The following KIAA1217 variants were observed in gnomAD, a reference collection of about 807,000 sequenced individuals.
The protein encoded by KIAA1217 is KIAA1217, also known as sickle tail protein homolog.
Under a neutral mutation model 163.9 loss-of-function variants are expected in KIAA1217, and 88 were observed. That is an observed-to-expected ratio of 0.54 (90% CI 0.45 to 0.64). The LOEUF is 0.64. Ranked by LOEUF, KIAA1217 falls within the 30% of genes least tolerant of loss-of-function variation. The pLI is 0.00. For synonymous variants in KIAA1217, 903 were observed against 923.1 expected (o/e 0.98, Z 0.39); for missense variants, 2,372 against 2,475.0 (o/e 0.96, Z 0.88).
At chr10:24,390,535 TATG>T (rs1411686630) in intron 3 of KIAA1217, among the ~76,000 whole-genome samples, 1 of 112,962 alleles carries the variant, frequency 8.9e-6, no homozygotes, top group Admixed American at 8.6e-5. Context: ...GAAGGAAAAT[TATG>T]AGGAAATTTC....
At chr10:24,117,835 G>A (rs537038390) in intron 2 of KIAA1217, among the ~76,000 whole-genome samples, 14 of 152,128 alleles carry the variant, frequency 9.2e-5, no homozygotes, top group African/African-American at 2.6e-4. Flanking sequence ...AATGTGCTTC[G>A]CTGAAAAGTG....
chr10:23,808,052 G>A (rs1225780109), intron 1 of KIAA1217, among the ~76,000 whole-genome samples: 1 of 152,200 alleles, frequency 6.6e-6, no homozygotes, highest in Non-Finnish European at 1.5e-5. Flanking sequence ...GATCACCAAA[G>A]CGAAGTTAGA....
intron 2 of KIAA1217, among the ~76,000 whole-genome samples, chr10:24,245,232 C>T (rs1453653623): frequency 6.6e-6 from 1 of 152,224 alleles, no homozygotes; most frequent in East Asian, 1.9e-4. Context: ...GTGTTTCCTA[C>T]TCTGAGTTTC....
chr10:24,363,570 T>TG (rs1334654042), intron 2 of KIAA1217, among the ~76,000 whole-genome samples: 7 of 149,956 alleles, frequency 4.7e-5, no homozygotes, highest in African/African-American at 1.5e-4. Flanking sequence ...TGTTTTTGTT[T>TG]TTTTTTTTTT....
intron 1 of KIAA1217, among the ~76,000 whole-genome samples, chr10:23,796,340 C>CTTGCTTAT (rs140864660): frequency 1.7e-4 from 25 of 148,480 alleles, no homozygotes; most frequent in African/African-American, 6.2e-4. Context: ...CGAGAGACTG[C>CTTGCTTAT]TTATTTATTT....
chr10:24,180,118 T>C (rs1487933148), intron 2 of KIAA1217, among the ~76,000 whole-genome samples: 1 of 152,124 alleles, frequency 6.6e-6, no homozygotes, highest in African/African-American at 2.4e-5. Context: ...GAGAGTTCCT[T>C]CTGTATCTGC....
chr10:24,145,419 A>C (rs2131843506), intron 2 of KIAA1217, among the ~76,000 whole-genome samples: 1 of 152,352 alleles, frequency 6.6e-6, no homozygotes, highest in East Asian at 1.9e-4. Flanking sequence ...GACCTCTTAC[A>C]AGAGCTAGTC....
At position 24,502,225 on chromosome 10, in the gene KIAA1217, G is replaced by A. The variant is rs1592463548; in HGVS notation, c.2001+680G>A. Among the ~76,000 whole-genome samples, 4 of 148,694 alleles carry A rather than the reference G, an allele frequency of 2.7e-5. No homozygotes were observed. The South Asian group carries it at 8.6e-4, about 32-fold the overall frequency. On this transcript the variant is annotated intron_variant, in intron 9 of 20. Transcript: ENST00000376454. ...CTCCACACTGAACGGGGACAAAGGT[G>A]GATAGTCAGCCAAGCTTTTTTTTTT...
At chr10:23,763,661 G>A (rs759040491) in intron 1 of KIAA1217, among the ~76,000 whole-genome samples, 5 of 152,112 alleles carry the variant, frequency 3.3e-5, no homozygotes, top group Non-Finnish European at 5.9e-5. Flanking sequence ...AGAAAATCTG[G>A]ACAATACCAT....
chr10:24,320,129 T>G (rs1242626849), intron 2 of KIAA1217, among the ~76,000 whole-genome samples: 1 of 152,220 alleles, frequency 6.6e-6, no homozygotes, highest in Non-Finnish European at 1.5e-5. Flanking sequence ...CTATTAAATT[T>G]TTATTTTGAA....
In KIAA1217 at chr10:24,280,578, G is replaced by A. The variant is rs1487614600; in HGVS notation, c.354+60669G>A. On this transcript the variant is annotated intron_variant, in intron 2 of 20. Coordinates refer to ENST00000376454, the MANE Select transcript of KIAA1217 (RefSeq NM_019590.5). ...TGTAATCCCAGCACTTTGGGAGGCG[G>A]AGGCGGGTGGATTGCGAGGTCAGGA... 6.8e-4 allele frequency among the ~76,000 whole-genome samples: 103 copies of A among 152,214 alleles called. 2 individuals are homozygous for A. The highest frequency in any genetic ancestry group is 2.3e-3 in the African/African-American group (97 of 41,536).
chr10:23,839,939 A>G (rs1344444090), intron 1 of KIAA1217, among the ~76,000 whole-genome samples: 1 of 152,112 alleles, frequency 6.6e-6, no homozygotes, highest in South Asian at 2.1e-4. Context: ...TGGTGGAAAT[A>G]GGTGGTAAAG....
chr10:23,834,299 A>G (rs1291092211), intron 1 of KIAA1217, among the ~76,000 whole-genome samples: 1 of 152,200 alleles, frequency 6.6e-6, no homozygotes, highest in East Asian at 1.9e-4. Context: ...CCTAGACACA[A>G]AGCTTTTCCT....
chr10:24,444,130 C>T (rs1223503171), intron 5 of KIAA1217, among the ~76,000 whole-genome samples: 1 of 152,122 alleles, frequency 6.6e-6, no homozygotes, highest in East Asian at 1.9e-4. Flanking sequence ...CCTCCCTTAG[C>T]CTCTTGAGTA....
At chr10:24,249,408 T>G (rs185981182) in intron 2 of KIAA1217, among the ~76,000 whole-genome samples, 3 of 152,318 alleles carry the variant, frequency 2.0e-5, no homozygotes, top group East Asian at 3.9e-4. Context: ...GCAATTTTTA[T>G]TAAAGAGAAT....
intron 1 of KIAA1217, among the ~76,000 whole-genome samples, chr10:23,759,013 G>T (rs969331957): frequency 3.9e-5 from 6 of 152,064 alleles, no homozygotes; most frequent in Admixed American, 6.5e-5. Context: ...ATTGCTTTGG[G>T]TAGTATTGAC....
intron 1 of KIAA1217, among the ~76,000 whole-genome samples, chr10:23,950,837 GT>G: frequency 6.6e-6 from 1 of 152,132 alleles, no homozygotes; most frequent in Non-Finnish European, 1.5e-5. Context: ...GGCTCAGATT[GT>G]TTTTTGTTTT....
intron 20 of KIAA1217, chr10:24,545,575 G>A: frequency 1.5e-6 from 2 of 1,364,732 alleles, no homozygotes; most frequent in South Asian, 3.9e-5. Flanking sequence ...GGAAATGGTA[G>A]AGCTGGAATG....
intron 2 of KIAA1217, among the ~76,000 whole-genome samples, chr10:24,267,825 G>A (rs951062767): frequency 6.6e-6 from 1 of 152,212 alleles, no homozygotes; most frequent in Non-Finnish European, 1.5e-5. Context: ...AGAAACAACT[G>A]CATATTCTAC....
Sources: gnomAD v4.1 joint callset for allele counts (sites outside exome capture counted in the v4.1 genomes callset) on GRCh38, gnomAD v4.1.1 for gene constraint, MANE v1.5 for transcripts, NCBI Gene and HGNC (gene_info 2026-07-23, HGNC 2026-07-21) for gene names.